Variants in GOT1 observed in about 807,000 individuals in gnomAD.
The protein encoded by GOT1 is glutamic-oxaloacetic transaminase 1.
GOT1 carries 25 observed loss-of-function variants against 48.2 expected under a neutral mutation model. The ratio of observed to expected loss-of-function variants is 0.52; its 90% CI spans 0.38 to 0.72. The LOEUF is 0.72. GOT1 is among the 30% of genes least tolerant of loss of function. The probability of loss-of-function intolerance (pLI) is 0.00; values close to 1 mark genes in which losing one functional copy is unlikely to be tolerated. For missense variants in GOT1, 380 were observed against 520.1 expected (o/e 0.73, Z 2.62); for synonymous variants, 188 against 193.8 (o/e 0.97, Z 0.25).
chr10:99,403,203 C>T (rs1589934946), intron 7 of GOT1, among the ~76,000 whole-genome samples: 1 of 151,822 alleles, frequency 6.6e-6, no homozygotes, highest in East Asian at 1.9e-4. Flanking sequence ...GGTTTTCCAA[C>T]TTCATGGAGA....
chr10:99,400,000 C>T (rs900563286), intron 8 of GOT1, among the ~76,000 whole-genome samples: 2 of 152,182 alleles, frequency 1.3e-5, no homozygotes, highest in African/African-American at 4.8e-5. Context: ...TTCTAAAAGC[C>T]TGTGCCCTGA....
chr10:99,400,946 G>GA (rs200341704), intron 8 of GOT1, among the ~76,000 whole-genome samples: 5,110 of 150,518 alleles, frequency 0.034, 302 homozygotes, highest in African/African-American at 0.12. Flanking sequence ...GTCTCAAAAA[G>GA]AAAAAAAAAG....
chr10:99,420,559 T>A, intron 2 of GOT1, 65 bp downstream of exon 2: 5 of 1,231,880 alleles, frequency 4.1e-6, no homozygotes, highest in Non-Finnish European at 5.8e-6. Context: ...TTAAACAAAC[T>A]GTATTCTCAA....
At chr10:99,401,430 C>A (rs2134095864) in intron 8 of GOT1, among the ~76,000 whole-genome samples, 1 of 152,318 alleles carries the variant, frequency 6.6e-6, no homozygotes, top group African/African-American at 2.4e-5. Context: ...TCCCCACGGC[C>A]TCTGCCGTTC....
intron 1 of GOT1, among the ~76,000 whole-genome samples, chr10:99,424,223 G>T (rs1388840732): frequency 6.6e-6 from 1 of 152,158 alleles, no homozygotes; most frequent in Non-Finnish European, 1.5e-5. Context: ...CCTCAATAGT[G>T]CCAAATCTTT....
chr10:99,415,966 C>G (rs1302570465), intron 2 of GOT1, among the ~76,000 whole-genome samples: 1 of 152,126 alleles, frequency 6.6e-6, no homozygotes, highest in East Asian at 1.9e-4. Flanking sequence ...CTATCTATGA[C>G]AAACCCACAG....
chr10:99,426,426 A>G (rs1018852056), intron 1 of GOT1, among the ~76,000 whole-genome samples: 2 of 152,226 alleles, frequency 1.3e-5, no homozygotes, highest in African/African-American at 4.8e-5. Context: ...GATACTGGGG[A>G]GAAGGCTAGG....
chr10:99,417,248 C>A (rs1024757379), intron 2 of GOT1, among the ~76,000 whole-genome samples: 1 of 152,180 alleles, frequency 6.6e-6, no homozygotes, highest in South Asian at 2.1e-4. Context: ...AAACAAACAA[C>A]CCCATCAACA....
intron 2 of GOT1, among the ~76,000 whole-genome samples, chr10:99,407,124 A>T (rs2032770338): frequency 6.6e-6 from 1 of 152,182 alleles, no homozygotes; most frequent in South Asian, 2.1e-4. Context: ...AGGAGGTCTG[A>T]CACTAGAAGA....
chr10:99,429,609 A>G (rs1433468103), intron 1 of GOT1, among the ~76,000 whole-genome samples: 1 of 152,164 alleles, frequency 6.6e-6, no homozygotes, highest in Non-Finnish European at 1.5e-5. Flanking sequence ...AAACATCCAA[A>G]TGATAGTGAG....
At chr10:99,428,353 G>T (rs1471375832) in intron 1 of GOT1, among the ~76,000 whole-genome samples, 8 of 146,796 alleles carry the variant, frequency 5.4e-5, no homozygotes, top group African/African-American at 7.4e-5. Flanking sequence ...GTGGTTTTTT[G>T]TTTTTTTTTT....
chr10:99,402,325 A>G (rs2032691093), intron 8 of GOT1, among the ~76,000 whole-genome samples: 1 of 152,210 alleles, frequency 6.6e-6, no homozygotes. Context: ...GCTGGCTCTG[A>G]GCCACTTCCC....
intron 6 of GOT1, 43 bp from the exon 7 acceptor site, chr10:99,403,677 G>C: frequency 6.2e-7 from 1 of 1,613,908 alleles, no homozygotes; most frequent in East Asian, 2.2e-5. Context: ...CTGAAGCAGG[G>C]AGTGATGCGA....
intron 1 of GOT1, among the ~76,000 whole-genome samples, chr10:99,422,507 G>T (rs1046052412): frequency 3.3e-5 from 5 of 152,152 alleles, no homozygotes; most frequent in Non-Finnish European, 7.4e-5. Flanking sequence ...ACTGTACATA[G>T]AATTTCAACA....
chr10:99,403,157 C>T (rs954237088), intron 7 of GOT1, among the ~76,000 whole-genome samples: 3 of 152,036 alleles, frequency 2.0e-5, no homozygotes, highest in Non-Finnish European at 2.9e-5. Flanking sequence ...ACTGCCTAGA[C>T]GTTCGATATT....
chr10:99,398,802 T>C (rs2032632496), intron 8 of GOT1, among the ~76,000 whole-genome samples: 1 of 152,214 alleles, frequency 6.6e-6, no homozygotes, highest in South Asian at 2.1e-4. Flanking sequence ...CAGGCAGTGT[T>C]CTAAGCACTG....
chr10:99,417,866 CACAGGAAGGAGA>C (rs988438906), intron 2 of GOT1, among the ~76,000 whole-genome samples: 107 of 152,074 alleles, frequency 7.0e-4, no homozygotes, highest in African/African-American at 2.5e-3. Context: ...AACACTTGGA[CACAGGAAGGAGA>C]ACATCACACA....
intron 2 of GOT1, among the ~76,000 whole-genome samples, chr10:99,414,389 C>A (rs887007906): frequency 2.6e-4 from 39 of 152,180 alleles, no homozygotes; most frequent in African/African-American, 9.4e-4. Context: ...AGAAGAGCTA[C>A]CTATCCTAAA....
intron 2 of GOT1, among the ~76,000 whole-genome samples, chr10:99,409,765 A>G (rs956525963): frequency 6.6e-6 from 1 of 152,224 alleles, no homozygotes; most frequent in Non-Finnish European, 1.5e-5. Flanking sequence ...GTAAAACAGG[A>G]AACAGTGGAT....
Sources: allele counts gnomAD v4.1 joint callset (sites outside exome capture counted in the v4.1 genomes callset), GRCh38; gene constraint gnomAD v4.1.1; transcripts MANE v1.5; gene names NCBI Gene and HGNC (gene_info 2026-07-23, HGNC 2026-07-21).